SH3GL3: variants seen among roughly 807,000 people sequenced by gnomAD.
The protein encoded by SH3GL3 is endophilin-A3.
SH3GL3 carries 33 observed loss-of-function variants against 47.7 expected under a neutral mutation model. The ratio of observed to expected loss-of-function variants is 0.69; its 90% CI spans 0.52 to 0.92. The LOEUF is 0.92. Among genes scored for constraint, SH3GL3 ranks in the 40% least tolerant of loss-of-function variants. SH3GL3 has a pLI of 0.00. For synonymous variants in SH3GL3, 155 were observed against 148.8 expected, an observed-to-expected ratio of 1.04 and a Z score of -0.30; for missense variants, 363 against 417.8, an observed-to-expected ratio of 0.87 and a Z score of 1.14.
downstream of SH3GL3, chr15:83,618,807 A>T (rs1235055460): frequency 6.1e-6 from 1 of 164,870 alleles, no homozygotes; most frequent in African/African-American, 2.4e-5. Flanking sequence ...CTGCAAACTC[A>T]CACCCCATGG....
chr15:83,474,888 A>G (rs948101234), intron 1 of SH3GL3, among the ~76,000 whole-genome samples: 1 of 152,130 alleles, frequency 6.6e-6, no homozygotes, highest in Non-Finnish European at 1.5e-5. Context: ...AGAGCAGCAG[A>G]AGGCAGGCTT....
intron 1 of SH3GL3, among the ~76,000 whole-genome samples, chr15:83,558,645 A>T (rs1596256082): frequency 6.6e-6 from 1 of 152,290 alleles, no homozygotes; most frequent in Admixed American, 6.5e-5. Context: ...CGAGGCTGAG[A>T]AAACCTGTCC....
chr15:83,564,163 G>A (rs2045424434), intron 2 of SH3GL3, among the ~76,000 whole-genome samples: 2 of 152,004 alleles, frequency 1.3e-5, no homozygotes, highest in Admixed American at 1.3e-4. Flanking sequence ...TTTATAGTCT[G>A]ATTTTTTTAG....
intron 1 of SH3GL3, among the ~76,000 whole-genome samples, chr15:83,482,503 T>C (rs373907523): frequency 4.6e-5 from 7 of 152,058 alleles, no homozygotes; most frequent in Admixed American, 2.6e-4. Context: ...TTAAGTTTTT[T>C]TTTTTTTGAT....
Position 83,481,291 on chromosome 15 carries a change from A to G in SH3GL3, c.45+33713A>G, listed in dbSNP as rs866416129. On this transcript the variant is annotated intron_variant, in intron 1 of 8. Coordinates refer to ENST00000427482, the MANE Select transcript of SH3GL3 (RefSeq NM_003027.5). ...TTCTGTCTCAAAAAAAAAAAAAAAA[A>G]AGAGAAATAATTCCTGTCACAGGGA... 5.8e-4 allele frequency among the ~76,000 whole-genome samples: 88 copies of G among 151,652 alleles called. 1 individual carries two copies. The highest frequency in any genetic ancestry group is 2.0e-3 in the African/African-American group (82 of 41,400).
At chr15:83,631,781 G>A in the SH3GL3 span, among the ~76,000 whole-genome samples, 13 of 152,336 alleles carry the variant, frequency 8.5e-5, no homozygotes, top group Admixed American at 2.0e-4. Flanking sequence ...TGTGATGGGA[G>A]GGGCTGCCAT....
intron 1 of SH3GL3, among the ~76,000 whole-genome samples, chr15:83,537,047 C>T (rs1000801697): frequency 6.6e-6 from 1 of 152,138 alleles, no homozygotes; most frequent in African/African-American, 2.4e-5. Flanking sequence ...TCACAGTCTT[C>T]CCTCCCTACT....
intron 1 of SH3GL3, among the ~76,000 whole-genome samples, chr15:83,533,329 A>G (rs773332318): frequency 7.2e-5 from 11 of 152,192 alleles, no homozygotes; most frequent in Non-Finnish European, 1.0e-4. Context: ...TTCACACCCC[A>G]GGACAATACC....
intron 1 of SH3GL3, among the ~76,000 whole-genome samples, chr15:83,499,317 T>G (rs2042203253): frequency 6.6e-6 from 1 of 151,824 alleles, no homozygotes; most frequent in African/African-American, 2.4e-5. Flanking sequence ...AACTTACAAA[T>G]TTTATAAATT....
At chr15:83,495,019 G>A (rs2042026094) in intron 1 of SH3GL3, among the ~76,000 whole-genome samples, 1 of 152,114 alleles carries the variant, frequency 6.6e-6, no homozygotes, top group Admixed American at 6.5e-5. Flanking sequence ...GGCACAGGAA[G>A]GACAGGTGGA....
At chr15:83,538,651 A>G (rs893397387) in intron 1 of SH3GL3, among the ~76,000 whole-genome samples, 7 of 152,152 alleles carry the variant, frequency 4.6e-5, no homozygotes, top group Admixed American at 3.3e-4. Flanking sequence ...AGCTTCTTTC[A>G]TTCAATGTTA....
chr15:83,468,820 A>G (rs2040701638), intron 1 of SH3GL3, among the ~76,000 whole-genome samples: 1 of 130,990 alleles, frequency 7.6e-6, no homozygotes, highest in Non-Finnish European at 1.7e-5. Context: ...TTTTTTTGTA[A>G]TTTGTCTAGT....
rs140261868 is a variant in SH3GL3, at chr15:83,520,224, G to A, written c.46-39029G>A. Among the ~76,000 whole-genome samples, 86 of 152,290 alleles carry A rather than the reference G, an allele frequency of 5.6e-4. 1 individual carries two copies. In the East Asian group the frequency reaches 0.016, roughly 29 times the overall value. On this transcript the variant is annotated intron_variant, in intron 1 of 8. Transcript: ENST00000427482. Reference sequence around the variant, plus strand: ...TGACCTTTGCCCAGAGGGAGAAATTGTCTTTATATACTGGACAGTAAACAA... The same window carrying A: ...TGACCTTTGCCCAGAGGGAGAAATTATCTTTATATACTGGACAGTAAACAA...
At chr15:83,472,404 C>G (rs2040872039) in intron 1 of SH3GL3, among the ~76,000 whole-genome samples, 2 of 151,964 alleles carry the variant, frequency 1.3e-5, no homozygotes, top group Non-Finnish European at 2.9e-5. Flanking sequence ...TATTTTTTTC[C>G]TGCAGTTTAT....
At chr15:83,473,741 G>T (rs1426641681) in intron 1 of SH3GL3, among the ~76,000 whole-genome samples, 1 of 151,762 alleles carries the variant, frequency 6.6e-6, no homozygotes, top group Non-Finnish European at 1.5e-5. Flanking sequence ...TAGAGACGGG[G>T]TTTCACCGTG....
intron 8 of SH3GL3, among the ~76,000 whole-genome samples, chr15:83,604,189 A>T (rs1172425017): frequency 1.3e-5 from 2 of 152,158 alleles, no homozygotes; most frequent in Non-Finnish European, 2.9e-5. Flanking sequence ...AAATTAACTA[A>T]AAATTTTGAC....
chr15:83,520,157 G>T (rs2151649364), intron 1 of SH3GL3, among the ~76,000 whole-genome samples: 1 of 152,232 alleles, frequency 6.6e-6, no homozygotes, highest in African/African-American at 2.4e-5. Flanking sequence ...GAGCCCTGAG[G>T]CTAGGGAACC....
intron 1 of SH3GL3, among the ~76,000 whole-genome samples, chr15:83,536,385 TTTTTC>T (rs551702646): frequency 0.12 from 16,687 of 135,248 alleles, 1,108 homozygotes; most frequent in Non-Finnish European, 0.17. Context: ...TGCCTTTTTC[TTTTTC>T]TTTTCTTTTC....
chr15:83,479,352 G>A (rs2041239379), intron 1 of SH3GL3, among the ~76,000 whole-genome samples: 1 of 150,892 alleles, frequency 6.6e-6, no homozygotes, highest in African/African-American at 2.4e-5. Flanking sequence ...TGTGTGTGTG[G>A]TGTTGATGTT....
Sources: gnomAD v4.1 joint callset for allele counts (sites outside exome capture counted in the v4.1 genomes callset) on GRCh38, gnomAD v4.1.1 for gene constraint, MANE v1.5 for transcripts, NCBI Gene and HGNC (gene_info 2026-07-23, HGNC 2026-07-21) for gene names.